Variants in RANBP2 observed in about 807,000 individuals in gnomAD.
The protein encoded by RANBP2 is E3 SUMO-protein ligase RanBP2.
RANBP2 carries 57 observed loss-of-function variants against 303.6 expected under a neutral mutation model. The observed-to-expected ratio is 0.19, with a 90% CI of 0.15 to 0.23. The LOEUF (loss-of-function observed/expected upper bound fraction) is 0.23, where lower values mean the gene tolerates loss of function less well. RANBP2 is among the 10% of genes least tolerant of loss of function. The probability of loss-of-function intolerance (pLI) is 1.00; values close to 1 mark genes in which losing one functional copy is unlikely to be tolerated. For synonymous variants in RANBP2, 1,167 were observed against 1,301.5 expected (o/e 0.90, Z 2.23); for missense variants, 3,138 against 3,780.8 (o/e 0.83, Z 4.46).
chr2:108,825,334 G>A, the RANBP2 span, among the ~76,000 whole-genome samples: 1 of 151,858 alleles, frequency 6.6e-6, no homozygotes, highest in South Asian at 2.1e-4. Context: ...TATACAAGTA[G>A]CATTTTAACT....
the RANBP2 span, among the ~76,000 whole-genome samples, chr2:108,889,440 A>C: frequency 1.6e-4 from 25 of 152,166 alleles, no homozygotes; most frequent in African/African-American, 5.8e-4. Flanking sequence ...AGATCTAATA[A>C]TATTTGCTTT....
At chr2:109,539,162 G>A in the RANBP2 span, among the ~76,000 whole-genome samples, 1 of 152,124 alleles carries the variant, frequency 6.6e-6, no homozygotes, top group African/African-American at 2.4e-5. Flanking sequence ...GCTGAGTGTG[G>A]TGGTGCCCAC....
At chr2:109,311,543 A>G in the RANBP2 span, among the ~76,000 whole-genome samples, 12 of 152,160 alleles carry the variant, frequency 7.9e-5, no homozygotes, top group South Asian at 2.5e-3. Flanking sequence ...GGAAAAGAGG[A>G]AGTCAAATTG....
chr2:108,844,594 G>A, the RANBP2 span, among the ~76,000 whole-genome samples: 1 of 152,062 alleles, frequency 6.6e-6, no homozygotes, highest in South Asian at 2.1e-4. Flanking sequence ...TCCTTGGAAT[G>A]GTGGGTGATT....
At chr2:109,682,572 T>C in the RANBP2 span, among the ~76,000 whole-genome samples, 1 of 152,164 alleles carries the variant, frequency 6.6e-6, no homozygotes, top group South Asian at 2.1e-4. Context: ...CCTACCTACA[T>C]GAAGACGGGT....
At chr2:109,773,020 A>G in the RANBP2 span, among the ~76,000 whole-genome samples, 5 of 152,122 alleles carry the variant, frequency 3.3e-5, no homozygotes, top group East Asian at 5.8e-4. Flanking sequence ...TATTGCATGT[A>G]AATGCCCTTG....
chr2:108,770,349 T>C (rs1350682052), intron 20 of RANBP2, among the ~76,000 whole-genome samples: 1 of 152,244 alleles, frequency 6.6e-6, no homozygotes, highest in African/African-American at 2.4e-5. Flanking sequence ...AAAATGATAC[T>C]AAGTTTTTGT....
At chr2:108,791,392 CAAAAT>C in the RANBP2 span, among the ~76,000 whole-genome samples, 3 of 151,982 alleles carry the variant, frequency 2.0e-5, no homozygotes, top group Admixed American at 6.6e-5. Flanking sequence ...TATTGGGAGT[CAAAAT>C]AAAGTGTTCC....
At chr2:109,204,207 T>G in the RANBP2 span, among the ~76,000 whole-genome samples, 3 of 152,240 alleles carry the variant, frequency 2.0e-5, no homozygotes, top group Non-Finnish European at 4.4e-5. Context: ...TTTATCTGTC[T>G]GTATGTCTGT....
At chr2:109,192,054 G>GTCTACCTGCACCT in the RANBP2 span, among the ~76,000 whole-genome samples, 1 of 152,054 alleles carries the variant, frequency 6.6e-6, no homozygotes, top group Non-Finnish European at 1.5e-5. Context: ...CATTGAATTT[G>GTCTACCTGCACCT]TCTACCTGCA....
At chr2:109,744,318 C>T in the RANBP2 span, among the ~76,000 whole-genome samples, 2 of 90,304 alleles carry the variant, frequency 2.2e-5, no homozygotes, top group Admixed American at 1.1e-4. Flanking sequence ...TTCTTACTAG[C>T]GTGAGATGTT....
the RANBP2 span, among the ~76,000 whole-genome samples, chr2:109,634,389 G>A: frequency 6.6e-6 from 1 of 152,000 alleles, no homozygotes; most frequent in Non-Finnish European, 1.5e-5. Context: ...CTCCAAAAAA[G>A]GGTGATTAGG....
the RANBP2 span, among the ~76,000 whole-genome samples, chr2:109,707,860 A>C: frequency 2.6e-5 from 4 of 152,256 alleles, no homozygotes; most frequent in Non-Finnish European, 4.4e-5. Flanking sequence ...AAAAATGCAG[A>C]ACTTCTTGTT....
the RANBP2 span, chr2:109,127,522 A>T: frequency 6.6e-6 from 1 of 152,240 alleles, no homozygotes; most frequent in African/African-American, 2.4e-5. Context: ...TATGAATATC[A>T]CTTTCCTCAT....
At chr2:109,737,420 C>G in the RANBP2 span, 1 of 656,070 alleles carries the variant, frequency 1.5e-6, no homozygotes, top group African/African-American at 1.8e-5. Context: ...TTGGCAGCAT[C>G]CACGATTCCA....
At chr2:109,514,680 G>A in the RANBP2 span, among the ~76,000 whole-genome samples, 3 of 152,222 alleles carry the variant, frequency 2.0e-5, no homozygotes, top group Non-Finnish European at 4.4e-5. Flanking sequence ...AGCCTGGACT[G>A]GAGTTTTCCT....
the RANBP2 span, among the ~76,000 whole-genome samples, chr2:109,488,156 G>A: frequency 3.5e-4 from 53 of 152,268 alleles, no homozygotes; most frequent in African/African-American, 1.1e-3. Context: ...TTCTGTCCCC[G>A]CATCCTGGCC....
At chr2:109,142,054 T>C in the RANBP2 span, among the ~76,000 whole-genome samples, 8 of 129,976 alleles carry the variant, frequency 6.2e-5, no homozygotes, top group South Asian at 1.6e-3. Context: ...GGGGGGGGGG[T>C]CTCAGGTATG....
the RANBP2 span, among the ~76,000 whole-genome samples, chr2:109,495,470 T>A: frequency 2.1e-5 from 3 of 145,206 alleles, no homozygotes; most frequent in Admixed American, 7.0e-5. Flanking sequence ...CTGAATATCT[T>A]TCATTCCTTT....
Sources: gnomAD v4.1 joint callset for allele counts (sites outside exome capture counted in the v4.1 genomes callset) on GRCh38, gnomAD v4.1.1 for gene constraint, MANE v1.5 for transcripts, NCBI Gene and HGNC (gene_info 2026-07-23, HGNC 2026-07-21) for gene names.